Variants in RNF24 observed in about 807,000 individuals in gnomAD.
RNF24 encodes ring finger protein 24.
A neutral mutation model predicts 20.0 loss-of-function variants in RNF24; 14 were observed. The observed-to-expected ratio is 0.70, with a 90% confidence interval of 0.46 to 1.10. The LOEUF (loss-of-function observed/expected upper bound fraction) is 1.10, where lower values mean the gene tolerates loss of function less well. RNF24 is among the 50% of genes least tolerant of loss of function. The probability of loss-of-function intolerance (pLI) is 0.00; values close to 1 mark genes in which losing one functional copy is unlikely to be tolerated. For synonymous variants in RNF24, 45 were observed against 61.1 expected (o/e 0.74, Z 1.23); for missense variants, 124 against 177.6 (o/e 0.70, Z 1.71).
At position 3,964,077 on chromosome 20, in the gene RNF24, A is replaced by T. The variant is rs148209658; in HGVS notation, c.-7-53T>A. ...AAATAGGTAAAGACTAAGAACCAAG[A>T]CAGCATTATCATTGTGCACGTATAG... is the stretch of plus-strand genomic sequence containing the variant. On this transcript the variant is annotated intron_variant, in intron 1 of 5. Transcript: ENST00000358395. 4,217 of 1,535,460 alleles carry T rather than the reference A, an allele frequency of 2.7e-3. 19 individuals carry two copies. The highest frequency in any genetic ancestry group is 6.8e-3 in the Middle Eastern group (40 of 5,860).
chr20:3,974,493 A>G (rs1295280494), intron 1 of RNF24: 12 of 1,216,304 alleles, frequency 9.9e-6, no homozygotes, highest in African/African-American at 1.6e-5. Flanking sequence ...ATCAACATCT[A>G]CAACAACAAA....
At chr20:3,956,326 G>T (rs2091142671) in intron 2 of RNF24, among the ~76,000 whole-genome samples, 1 of 149,932 alleles carries the variant, frequency 6.7e-6, no homozygotes. Context: ...TTTTTTGTTA[G>T]GAATCTATGT....
At chr20:3,967,828 T>C (rs1254466923) in intron 1 of RNF24, among the ~76,000 whole-genome samples, 3 of 150,998 alleles carry the variant, frequency 2.0e-5, no homozygotes, top group Non-Finnish European at 4.4e-5. Flanking sequence ...ACTCTGTCTC[T>C]ATAAAAATAC....
chr20:3,934,780 A>G lies in RNF24; in HGVS notation c.308+214T>C, dbSNP rs1317030865. 6.6e-6 allele frequency among the ~76,000 whole-genome samples: 1 copy of G among 152,144 alleles called. No individual in the cohort carries two copies. The highest frequency in any genetic ancestry group is 2.4e-5 in the African/African-American group (1 of 41,420). ...AGGCTCATTTTGGCTCTCTGCCCAT[A>G]GTCCTGACGTGGTGGTCACGTTCCA... On this transcript the variant is annotated intron_variant, in intron 5 of 5. Coordinates refer to ENST00000358395, the MANE Select transcript of RNF24 (RefSeq NM_001134337.3). This position sits in a 1 kb window ranked among gnomAD's most constrained non-coding sequence, Gnocchi z 4.0.
rs34012774 is a variant in RNF24, at chr20:3,998,574, C to CAAAAA, written c.-8+16858_-8+16862dup. Among the ~76,000 whole-genome samples, 26 of 31,340 alleles carry CAAAAA rather than the reference C, an allele frequency of 8.3e-4. 1 individual carries two copies. Among genetic ancestry groups the CAAAAA allele is most frequent in the African/African-American group, 2.6e-3 (18 of 6,806 alleles). 20.6% of individuals were successfully genotyped at this position (31,340 alleles called of 152,430 possible). A position where few individuals can be genotyped will look rare whatever the true frequency, so the allele number is the denominator to read the frequency against. ...TGGGCAACAGAGCGAGACTCTATCT[C>CAAAAA]AAAAAAAAAAAAAAAAAAAAAAAAA... On this transcript the variant is annotated intron_variant, in intron 1 of 5. Coordinates refer to ENST00000358395, the MANE Select transcript of RNF24 (RefSeq NM_001134337.3).
At position 3,932,880 on chromosome 20, in the gene RNF24, C is replaced by G. The variant is rs577969562; in HGVS notation, c.*1183G>C. ...ACAGAAAGAGCCAAAGAGCAGCATG[C>G]GTTTCTCTCCTATAAAGACACTTTC... On this transcript the variant is annotated 3_prime_UTR_variant, in exon 6 of 6. Transcript: ENST00000358395. 4.0e-5 allele frequency: 16 copies of G among 398,538 alleles called. No individual in the cohort carries two copies. The highest frequency in any genetic ancestry group is 3.3e-4 in the African/African-American group (16 of 48,730). The allele number at this position is 398,538 out of a possible 1,614,324, so 24.7% of individuals were successfully genotyped here.
intron 1 of RNF24, among the ~76,000 whole-genome samples, chr20:4,004,755 C>T (rs940856898): frequency 3.3e-5 from 5 of 152,156 alleles, no homozygotes; most frequent in Non-Finnish European, 5.9e-5. Flanking sequence ...GGACTTCTAC[C>T]TCCAGAACTG....
intron 1 of RNF24, among the ~76,000 whole-genome samples, chr20:3,970,040 A>G (rs955523572): frequency 6.6e-6 from 1 of 152,104 alleles, no homozygotes; most frequent in African/African-American, 2.4e-5. Context: ...ATCAGTAGAG[A>G]CTACATGTGG....
chr20:3,972,835 G>A (rs149211152), intron 1 of RNF24, among the ~76,000 whole-genome samples: 1,642 of 152,150 alleles, frequency 0.011, 14 homozygotes, highest in Middle Eastern at 0.027. Context: ...TCCTGGCGGC[G>A]GAGATTGCAG....
chr20:3,940,799 T>C (rs1251040966), intron 4 of RNF24, among the ~76,000 whole-genome samples: 1 of 152,142 alleles, frequency 6.6e-6, no homozygotes, highest in Non-Finnish European at 1.5e-5. Flanking sequence ...TGGAGTTCCA[T>C]ATACAAGAAT....
intron 3 of RNF24, among the ~76,000 whole-genome samples, chr20:3,945,774 C>T (rs575414284): frequency 2.0e-5 from 3 of 150,884 alleles, no homozygotes; most frequent in African/African-American, 7.3e-5. Context: ...TCCGTGGTGA[C>T]CAGACAGTAG....
chr20:3,968,192 C>T (rs2091279954), intron 1 of RNF24, among the ~76,000 whole-genome samples: 1 of 152,034 alleles, frequency 6.6e-6, no homozygotes, highest in South Asian at 2.1e-4. Context: ...GTAATCCCAG[C>T]TTCTCAGGAA....
chr20:4,014,667 C>T (rs1168707563), intron 1 of RNF24, among the ~76,000 whole-genome samples: 8 of 151,896 alleles, frequency 5.3e-5, no homozygotes, highest in African/African-American at 1.9e-4. Flanking sequence ...TATATCCCCT[C>T]CCCTTTTCCT....
rs766022294 is a variant in RNF24 at position 3,975,829 on chromosome 20, G to A, written c.-7-11805C>T. Among the ~76,000 whole-genome samples, 46 of 152,128 alleles carry A rather than the reference G, an allele frequency of 3.0e-4. 1 individual carries two copies. Among genetic ancestry groups the A allele is most frequent in the Admixed American group, 6.5e-4 (10 of 15,290 alleles). On this transcript the variant is annotated intron_variant, in intron 1 of 5. Coordinates refer to ENST00000358395, the MANE Select transcript of RNF24 (RefSeq NM_001134337.3). ...CTGGCTGTCATCAGAAGAGAGGCAT[G>A]AACAAATCCTTTCTCAGAGCCCTCA...
intron 1 of RNF24, among the ~76,000 whole-genome samples, chr20:4,005,255 T>A (rs1981771373): frequency 6.6e-6 from 1 of 152,218 alleles, no homozygotes; most frequent in African/African-American, 2.4e-5. Flanking sequence ...GCTACTGGCA[T>A]AAAAGCTTTT....
At chr20:4,001,315 A>T (rs552822727) in intron 1 of RNF24, among the ~76,000 whole-genome samples, 59 of 152,236 alleles carry the variant, frequency 3.9e-4, no homozygotes, top group Middle Eastern at 6.8e-3. Context: ...AGTTTTTTTC[A>T]AATTACAGGA....
At chr20:3,946,153 A>G (rs1036741738) in intron 3 of RNF24, among the ~76,000 whole-genome samples, 1 of 152,172 alleles carries the variant, frequency 6.6e-6, no homozygotes, top group African/African-American at 2.4e-5. Context: ...CTACATACAA[A>G]TATCTTGTAA....
intron 1 of RNF24, among the ~76,000 whole-genome samples, chr20:4,003,249 G>A (rs1172554739): frequency 6.6e-6 from 1 of 152,140 alleles, no homozygotes; most frequent in Admixed American, 6.5e-5. Context: ...GATTACAGGC[G>A]TGAACCACCA....
At chr20:3,990,251 A>C (rs6052221) in intron 1 of RNF24, among the ~76,000 whole-genome samples, 3,986 of 152,122 alleles carry the variant, frequency 0.026, 74 homozygotes, top group Middle Eastern at 0.054. Flanking sequence ...AAACACCCCC[A>C]AAAAAAATCC....
Sources: allele counts gnomAD v4.1 joint callset (sites outside exome capture counted in the v4.1 genomes callset), GRCh38; gene constraint gnomAD v4.1.1; non-coding constraint Gnocchi (gnomAD v3.1); transcripts MANE v1.5; gene names NCBI Gene and HGNC (gene_info 2026-07-23, HGNC 2026-07-21).